The following LYPD6 variants were observed in gnomAD, a reference collection of about 807,000 sequenced individuals.
LYPD6 encodes LY6/PLAUR domain containing 6.
Under a neutral mutation model 22.7 loss-of-function variants are expected in LYPD6, and 15 were observed. The ratio of observed to expected loss-of-function variants is 0.66; its 90% confidence interval spans 0.44 to 1.02. The LOEUF (loss-of-function observed/expected upper bound fraction) is 1.02. LYPD6 is among the 50% of genes least tolerant of loss of function. The pLI, the probability that LYPD6 is intolerant of heterozygous loss-of-function variation, is 0.00. For missense variants in LYPD6, 189 were observed against 208.4 expected, an observed-to-expected ratio of 0.91 and a Z score of 0.57; for synonymous variants, 72 against 77.5, an observed-to-expected ratio of 0.93 and a Z score of 0.37.
At position 149,470,034 on chromosome 2, in the gene LYPD6, C is replaced by G. The variant is rs556262652; in HGVS notation, c.349-649C>G. Among the ~76,000 whole-genome samples, 170 of 152,228 alleles carry G rather than the reference C, an allele frequency of 1.1e-3. 1 individual carries two copies. Among genetic ancestry groups the G allele is most frequent in the African/African-American group, 4.0e-3 (165 of 41,526 alleles). Reference sequence around the variant, plus strand: ...GAGATTCTGCACTTGTAACAAACTCCCAGCTGATGTTGGAGCTGCTGGTCT... The same window carrying G: ...GAGATTCTGCACTTGTAACAAACTCGCAGCTGATGTTGGAGCTGCTGGTCT... On this transcript the variant is annotated intron_variant, in intron 4 of 4. Transcript: ENST00000334166.
chr2:149,427,096 A>T (rs1341463426), intron 1 of LYPD6, among the ~76,000 whole-genome samples: 2 of 152,210 alleles, frequency 1.3e-5, no homozygotes, highest in Admixed American at 6.5e-5. Context: ...TACAGAAATG[A>T]CTACCTCTAT....
At chr2:149,339,869 C>T (rs547894897) in intron 1 of LYPD6, among the ~76,000 whole-genome samples, 7 of 152,208 alleles carry the variant, frequency 4.6e-5, no homozygotes, top group Non-Finnish European at 7.4e-5. Context: ...TTAGGCAAAA[C>T]GAAAGTATTG....
At chr2:149,374,634 C>T (rs1385564178) in intron 1 of LYPD6, among the ~76,000 whole-genome samples, 2 of 152,150 alleles carry the variant, frequency 1.3e-5, no homozygotes, top group Non-Finnish European at 2.9e-5. Context: ...TAATTTTCTC[C>T]TTATTCTTGC....
chr2:149,374,103 T>C (rs568687957), intron 1 of LYPD6, among the ~76,000 whole-genome samples: 1 of 152,326 alleles, frequency 6.6e-6, no homozygotes, highest in Admixed American at 6.5e-5. Flanking sequence ...ATCCTGAGGC[T>C]AAGTATCCTT....
intron 2 of LYPD6, among the ~76,000 whole-genome samples, chr2:149,447,964 C>T (rs1683724264): frequency 6.6e-6 from 1 of 152,118 alleles, no homozygotes; most frequent in Non-Finnish European, 1.5e-5. Context: ...CCCATGTACC[C>T]ATTATCCAGT....
At chr2:149,475,515 C>A (rs1228466217), downstream of LYPD6, among the ~76,000 whole-genome samples, 1 of 152,152 alleles carries the variant, frequency 6.6e-6, no homozygotes, top group South Asian at 2.1e-4. Context: ...TCAAATGAAG[C>A]CTTCACTTTC....
intron 1 of LYPD6, among the ~76,000 whole-genome samples, chr2:149,435,040 A>G (rs1683399181): frequency 6.6e-6 from 1 of 152,152 alleles, no homozygotes; most frequent in African/African-American, 2.4e-5. Flanking sequence ...GCCTTTAAGG[A>G]GGTAATTAAG....
chr2:149,449,036 T>A lies in LYPD6; in HGVS notation c.119-13T>A. ...TCTAAAAATTAATCTTTTCTCTTAATCCTTTTTTTTAGCCACACCATATCC... is the reference window on the plus strand; with the variant it reads ...TCTAAAAATTAATCTTTTCTCTTAAACCTTTTTTTTAGCCACACCATATCC... On this transcript the variant is annotated splice_polypyrimidine_tract_variant and intron_variant, in intron 2 of 4. Coordinates refer to ENST00000334166, the MANE Select transcript of LYPD6 (RefSeq NM_194317.5). The A allele has an allele frequency of 2.5e-6, 4 of 1,590,094 alleles. No individual in the cohort carries two copies. Among genetic ancestry groups the A allele is most frequent in the Non-Finnish European group, 3.4e-6 (4 of 1,160,842 alleles).
intron 1 of LYPD6, among the ~76,000 whole-genome samples, chr2:149,405,887 C>T (rs1278822865): frequency 4.7e-5 from 7 of 148,174 alleles, no homozygotes; most frequent in African/African-American, 1.8e-4. Context: ...ATAAATTTCC[C>T]TCTACACACT....
intron 4 of LYPD6, 44 bp from the exon 5 acceptor site, chr2:149,470,639 G>A: frequency 1.9e-6 from 3 of 1,583,586 alleles, no homozygotes; most frequent in Non-Finnish European, 2.6e-6. Context: ...CTCCTTCCAA[G>A]ACATGCTGGC....
chr2:149,417,785 A>T (rs1320377788), intron 1 of LYPD6, among the ~76,000 whole-genome samples: 2 of 152,202 alleles, frequency 1.3e-5, no homozygotes, highest in Non-Finnish European at 2.9e-5. Context: ...AAAAATACTG[A>T]GCTGGGATAA....
intron 1 of LYPD6, among the ~76,000 whole-genome samples, chr2:149,360,056 G>C (rs1681542141): frequency 6.6e-6 from 1 of 152,204 alleles, no homozygotes; most frequent in South Asian, 2.1e-4. Context: ...GCAATTCCTG[G>C]AACTGAGAGT....
chr2:149,347,835 G>A (rs1573732481), intron 1 of LYPD6, among the ~76,000 whole-genome samples: 1 of 152,172 alleles, frequency 6.6e-6, no homozygotes, highest in Admixed American at 6.5e-5. Flanking sequence ...CTATTTAAAT[G>A]ACCTAATATT....
At chr2:149,345,186 G>T (rs1245337832) in intron 1 of LYPD6, among the ~76,000 whole-genome samples, 1 of 152,074 alleles carries the variant, frequency 6.6e-6, no homozygotes, top group Non-Finnish European at 1.5e-5. Flanking sequence ...TGCATGTCGT[G>T]AATTCTCTGA....
chr2:149,405,867 A>C (rs1682691879), intron 1 of LYPD6, among the ~76,000 whole-genome samples: 1 of 148,044 alleles, frequency 6.8e-6, no homozygotes, highest in African/African-American at 2.6e-5. Context: ...TCTTGTGGGC[A>C]TTTAGTGCTA....
intron 1 of LYPD6, among the ~76,000 whole-genome samples, chr2:149,369,187 C>T (rs111337096): frequency 4.6e-5 from 7 of 152,036 alleles, no homozygotes; most frequent in African/African-American, 1.4e-4. Context: ...TCAAGGTTCC[C>T]GGGGTTACAG....
intron 1 of LYPD6, among the ~76,000 whole-genome samples, chr2:149,337,148 T>C (rs1429099988): frequency 6.6e-6 from 1 of 152,210 alleles, no homozygotes; most frequent in Non-Finnish European, 1.5e-5. Flanking sequence ...GCACCGAATC[T>C]GTTTCTTTCC....
intron 1 of LYPD6, among the ~76,000 whole-genome samples, chr2:149,404,910 C>G: frequency 6.6e-6 from 1 of 152,104 alleles, no homozygotes; most frequent in Non-Finnish European, 1.5e-5. Flanking sequence ...TACATCCCAT[C>G]AATACCTAAT....
At position 149,472,381 on chromosome 2, in the gene LYPD6, T is replaced by C. The variant is rs1474395217; in HGVS notation, c.*1531T>C. ...GGTGACCATCACTGGTCTAAGTTTG[T>C]GTGCAGGGTTTTCAGATGTGTTTTT... On this transcript the variant is annotated 3_prime_UTR_variant, in exon 5 of 5. Transcript: ENST00000334166. 1 of 152,546 alleles carries C rather than the reference T, an allele frequency of 6.6e-6. No individual in the cohort carries two copies. Among genetic ancestry groups the C allele is most frequent in the African/African-American group, 2.4e-5 (1 of 41,458 alleles). 9.4% of individuals were successfully genotyped at this position (152,546 alleles called of 1,614,324 possible).
Sources: allele counts gnomAD v4.1 joint callset (sites outside exome capture counted in the v4.1 genomes callset), GRCh38; gene constraint gnomAD v4.1.1; transcripts MANE v1.5; gene names NCBI Gene and HGNC (gene_info 2026-07-23, HGNC 2026-07-21).